PATJ: variants seen among roughly 807,000 people sequenced by gnomAD.
PATJ encodes inaD-like protein.
In PATJ, 190 loss-of-function variants were observed where a neutral mutation model predicts 224.9. The ratio of observed to expected loss-of-function variants is 0.84; its 90% CI spans 0.75 to 0.95. The LOEUF is 0.95. Among genes scored for constraint, PATJ ranks in the 40% least tolerant of loss-of-function variants. The probability of loss-of-function intolerance (pLI) is 0.00; values close to 1 mark genes in which losing one functional copy is unlikely to be tolerated. For synonymous variants in PATJ, 769 were observed against 820.3 expected, an observed-to-expected ratio of 0.94 and a Z score of 1.07; for missense variants, 2,121 against 2,270.3, an observed-to-expected ratio of 0.93 and a Z score of 1.34.
At chr1:62,050,194 A>G (rs545383533) in intron 30 of PATJ, among the ~76,000 whole-genome samples, 1 of 152,122 alleles carries the variant, frequency 6.6e-6, no homozygotes, top group African/African-American at 2.4e-5. Flanking sequence ...AATAAATAAA[A>G]GAAATCAACA....
chr1:62,085,840 A>G (rs937339404), intron 33 of PATJ, among the ~76,000 whole-genome samples: 34 of 152,090 alleles, frequency 2.2e-4, no homozygotes, highest in Non-Finnish European at 1.3e-4. Context: ...AAAAAAAAAA[A>G]AAGGTATGCA....
intron 26 of PATJ, among the ~76,000 whole-genome samples, chr1:61,921,055 C>T (rs565779587): frequency 2.2e-4 from 33 of 152,202 alleles, no homozygotes; most frequent in African/African-American, 7.7e-4. Context: ...TTCTCTTCCA[C>T]CTCAAGCTAA....
At chr1:62,100,767 G>T (rs574202189) in intron 33 of PATJ, among the ~76,000 whole-genome samples, 1 of 152,306 alleles carries the variant, frequency 6.6e-6, no homozygotes, top group East Asian at 1.9e-4. Flanking sequence ...AAAAAGATGA[G>T]TTGGAAGCAG....
rs1276398278 is a variant in PATJ at position 62,136,669 on chromosome 1, G to GTC, written c.5271+7725_5271+7726insCT. ...TTTGCGTGTGTGTGTGTGTGTCTGT[G>GTC]TGTGTGTGTGTGTGTGTGTGTGTCT... On this transcript the variant is annotated intron_variant, in intron 41 of 43. Transcript: ENST00000642238. Among the ~76,000 whole-genome samples, 230 of 116,512 alleles carry GTC rather than the reference G, an allele frequency of 2.0e-3. 2 individuals are homozygous for GTC. The highest frequency in any genetic ancestry group is 5.8e-3 in the African/African-American group (223 of 38,342). The allele number at this position is 116,512 out of a possible 152,430, so 76.4% of individuals were successfully genotyped here. A position where few individuals can be genotyped will look rare whatever the true frequency, so the allele number is the denominator to read the frequency against.
chr1:61,855,960 C>G (rs1663584791), intron 17 of PATJ, 70 bp from the exon 18 acceptor site: 1 of 1,117,238 alleles, frequency 9.0e-7, no homozygotes, highest in Non-Finnish European at 1.4e-6. Context: ...TCAGTCAACT[C>G]AAGCTGTCCT....
chr1:61,856,280 G>A, intron 18 of PATJ, 41 bp downstream of exon 18: 1 of 1,498,544 alleles, frequency 6.7e-7, no homozygotes. Flanking sequence ...TGATAATAGT[G>A]CAACAGTTAA....
intron 37 of PATJ, among the ~76,000 whole-genome samples, chr1:62,118,722 C>T (rs145535201): frequency 0.016 from 2,495 of 152,110 alleles, 72 homozygotes; most frequent in African/African-American, 0.057. Flanking sequence ...CTTCGCCTCC[C>T]GGGTTCAAGT....
At chr1:61,980,936 CTTGAAA>C (rs1232847472) in intron 27 of PATJ, among the ~76,000 whole-genome samples, 1 of 152,064 alleles carries the variant, frequency 6.6e-6, no homozygotes, top group African/African-American at 2.4e-5. Flanking sequence ...TCCCTCTCCC[CTTGAAA>C]TTCTAGGTTC....
intron 20 of PATJ, among the ~76,000 whole-genome samples, chr1:61,865,073 T>C (rs1042957684): frequency 6.6e-6 from 1 of 152,144 alleles, no homozygotes; most frequent in African/African-American, 2.4e-5. Flanking sequence ...TTTTTCTCTG[T>C]GTTATGTATG....
intron 15 of PATJ, among the ~76,000 whole-genome samples, chr1:61,826,769 A>G (rs563366990): frequency 5.1e-4 from 78 of 152,312 alleles, no homozygotes; most frequent in African/African-American, 1.8e-3. Flanking sequence ...AGTATTTTCT[A>G]TATATGCTTG....
rs1179729899 is a variant in PATJ at position 62,106,144 on chromosome 1, ATG to A, written c.4378-2279_4378-2278del. Among the ~76,000 whole-genome samples, 163 of 57,510 alleles carry A rather than the reference ATG, an allele frequency of 2.8e-3. 33 individuals carry two copies. Among genetic ancestry groups the A allele is most frequent in the Non-Finnish European group, 3.8e-3 (114 of 30,038 alleles). The allele number at this position is 57,510 out of a possible 152,430, so 37.7% of individuals were successfully genotyped here. A position where few individuals can be genotyped will look rare whatever the true frequency, so the allele number is the denominator to read the frequency against. On this transcript the variant is annotated intron_variant, in intron 33 of 43. Coordinates refer to ENST00000642238, the MANE Select transcript of PATJ (RefSeq NM_001350145.3). The stretch of plus-strand genomic sequence containing the variant: ...CAAACACACATATATACATGTGTAT[ATG>A]TGTGTGTGTGTGTATATATATATAT...
chr1:61,962,886 G>A (rs1040760110), intron 27 of PATJ, among the ~76,000 whole-genome samples: 3 of 152,172 alleles, frequency 2.0e-5, no homozygotes, highest in African/African-American at 7.2e-5. Flanking sequence ...CGGCATGCCA[G>A]CCCAGCCGCC....
At chr1:61,921,437 C>T (rs887164849) in intron 26 of PATJ, among the ~76,000 whole-genome samples, 4 of 152,070 alleles carry the variant, frequency 2.6e-5, no homozygotes, top group South Asian at 2.1e-4. Flanking sequence ...AGAGGGACAC[C>T]TATTAATAAG....
At chr1:62,083,586 A>G (rs895510891) in intron 32 of PATJ, among the ~76,000 whole-genome samples, 31 of 152,376 alleles carry the variant, frequency 2.0e-4, no homozygotes, top group African/African-American at 7.5e-4. Context: ...TTTTAAAAAT[A>G]AACCTTTGTA....
At chr1:61,985,260 C>T (rs903448200) in intron 27 of PATJ, among the ~76,000 whole-genome samples, 10 of 151,834 alleles carry the variant, frequency 6.6e-5, no homozygotes, top group African/African-American at 9.7e-5. Context: ...TGCAGTGAAC[C>T]GAGATCGTGC....
chr1:62,029,266 G>A (rs567284231), intron 29 of PATJ, among the ~76,000 whole-genome samples: 29 of 152,258 alleles, frequency 1.9e-4, no homozygotes, highest in Non-Finnish European at 4.0e-4. Flanking sequence ...CTCATATCCT[G>A]ATGAAGTGAT....
chr1:61,924,362 T>C (rs540184195), intron 26 of PATJ, among the ~76,000 whole-genome samples: 8 of 152,298 alleles, frequency 5.3e-5, no homozygotes, highest in African/African-American at 1.7e-4. Flanking sequence ...AGTGAGACTC[T>C]GTCTCAAAAA....
At chr1:61,866,375 T>C (rs1665429380) in intron 20 of PATJ, among the ~76,000 whole-genome samples, 1 of 152,256 alleles carries the variant, frequency 6.6e-6, no homozygotes, top group African/African-American at 2.4e-5. Flanking sequence ...AAACATTCAA[T>C]TTGAAAACCT....
intron 14 of PATJ, chr1:61,816,364 A>G (rs893310743): frequency 5.9e-5 from 9 of 152,186 alleles, no homozygotes; most frequent in African/African-American, 2.2e-4. Context: ...AGTAAAAGTA[A>G]ATTGCCCAAG....
Sources: gnomAD v4.1 joint callset for allele counts (sites outside exome capture counted in the v4.1 genomes callset) on GRCh38, gnomAD v4.1.1 for gene constraint, MANE v1.5 for transcripts, NCBI Gene and HGNC (gene_info 2026-07-23, HGNC 2026-07-21) for gene names.